The following CENPP variants were observed in gnomAD, a reference collection of about 807,000 sequenced individuals.
CENPP encodes the protein centromere protein P.
A neutral mutation model predicts 35.6 loss-of-function variants in CENPP; 24 were observed. The ratio of observed to expected loss-of-function variants is 0.67; its 90% CI spans 0.49 to 0.95. The LOEUF is 0.95. Among genes scored for constraint, CENPP ranks in the 40% least tolerant of loss-of-function variants. CENPP has a pLI of 0.00. For missense variants in CENPP, 332 were observed against 345.3 expected (o/e 0.96, Z 0.31); for synonymous variants, 120 against 125.5 (o/e 0.96, Z 0.29).
chr9:92,486,906 T>C (rs561754538), intron 5 of CENPP, among the ~76,000 whole-genome samples: 8 of 151,984 alleles, frequency 5.3e-5, no homozygotes, highest in Non-Finnish European at 7.4e-5. Context: ...CTCAGCCTCC[T>C]GAGTAGCTGG....
intron 5 of CENPP, among the ~76,000 whole-genome samples, chr9:92,436,577 G>A (rs72752486): frequency 0.031 from 4,704 of 152,154 alleles, 113 homozygotes; most frequent in South Asian, 0.084. Context: ...TTTTTATATA[G>A]GGTTTGAAAG....
chr9:92,503,438 G>T (rs912566060), intron 5 of CENPP, among the ~76,000 whole-genome samples: 1 of 152,122 alleles, frequency 6.6e-6, no homozygotes, highest in Non-Finnish European at 1.5e-5. Flanking sequence ...ATTTCATGTG[G>T]TCTATAATAT....
chr9:92,421,520 C>A (rs1335710505), intron 5 of CENPP, among the ~76,000 whole-genome samples: 1 of 152,208 alleles, frequency 6.6e-6, no homozygotes, highest in Admixed American at 6.5e-5. Context: ...GGGCAGTGTT[C>A]AGAGCAGGCT....
At position 92,618,432 on chromosome 9, in the gene CENPP, G is replaced by C. The variant is rs1197161342; in HGVS notation, c.*5283G>C. 1 of 456,588 alleles carries C rather than the reference G, an allele frequency of 2.2e-6. No homozygotes were observed. Among genetic ancestry groups the C allele is most frequent in the East Asian group, 6.9e-5 (1 of 14,404 alleles). 28.3% of individuals were successfully genotyped at this position (456,588 alleles called of 1,614,324 possible). A position where few individuals can be genotyped will look rare whatever the true frequency, so the allele number is the denominator to read the frequency against. On this transcript the variant is annotated 3_prime_UTR_variant, in exon 8 of 8. Transcript: ENST00000375587. ...TAAGAGATTCCCAGGTGCTAGACGA[G>C]GTGAGTAACATGTCTGTCCTTCAGC... is the stretch of plus-strand genomic sequence containing the variant.
chr9:92,574,749 A>G (rs886531402), intron 5 of CENPP, among the ~76,000 whole-genome samples: 1 of 152,172 alleles, frequency 6.6e-6, no homozygotes, highest in Admixed American at 6.5e-5. Context: ...ATCTCAAGGG[A>G]CCCTGAGTAG....
intron 5 of CENPP, among the ~76,000 whole-genome samples, chr9:92,421,158 G>C (rs1843780467): frequency 6.6e-6 from 1 of 152,068 alleles, no homozygotes; most frequent in Non-Finnish European, 1.5e-5. Flanking sequence ...TCTTACTTCA[G>C]CCTCCTGAGT....
intron 5 of CENPP, among the ~76,000 whole-genome samples, chr9:92,428,456 C>T (rs1169694687): frequency 6.6e-6 from 1 of 152,152 alleles, no homozygotes; most frequent in African/African-American, 2.4e-5. Flanking sequence ...TCCCAGGTCC[C>T]ACCAAACCTT....
intron 5 of CENPP, among the ~76,000 whole-genome samples, chr9:92,581,130 C>G (rs888511336): frequency 6.6e-6 from 1 of 152,090 alleles, no homozygotes; most frequent in East Asian, 1.9e-4. Flanking sequence ...GATTCTTAAT[C>G]CTGAGTTCTA....
At chr9:92,389,227 A>G (rs1842567129) in intron 5 of CENPP, among the ~76,000 whole-genome samples, 1 of 152,146 alleles carries the variant, frequency 6.6e-6, no homozygotes, top group South Asian at 2.1e-4. Context: ...TAAAGTGATT[A>G]CTCCTGTAGG....
chr9:92,368,101 T>C (rs1440114482), intron 4 of CENPP, among the ~76,000 whole-genome samples: 1 of 152,218 alleles, frequency 6.6e-6, no homozygotes, highest in Non-Finnish European at 1.5e-5. Flanking sequence ...TGTGAATAAG[T>C]TAAGAAAATT....
intron 5 of CENPP, among the ~76,000 whole-genome samples, chr9:92,472,444 G>A (rs1159059769): frequency 6.6e-6 from 1 of 151,968 alleles, no homozygotes; most frequent in Non-Finnish European, 1.5e-5. Context: ...TGGATCATGA[G>A]GTCAGGAGAT....
chr9:92,502,432 A>C (rs1191626364), intron 5 of CENPP: 1 of 1,525,892 alleles, frequency 6.6e-7, no homozygotes, highest in East Asian at 2.3e-5. Context: ...CACTTATCCC[A>C]TTCCCAGTTT....
intron 5 of CENPP, among the ~76,000 whole-genome samples, chr9:92,406,969 C>T (rs1233524846): frequency 1.3e-5 from 2 of 152,168 alleles, no homozygotes; most frequent in African/African-American, 4.8e-5. Flanking sequence ...ACTCTCAGAA[C>T]TCACTGAAGA....
Position 92,337,613 on chromosome 9 carries a change from A to G in CENPP, c.362A>G (p.Gln121Arg). The part of the protein sequence containing the change: ...CHMVTFQLEF[Q>R]ILEIQNKERL... ...ATGGTTACATTTCAACTTGAATTTC[A>G]GATTCTGGAAATTCAGGTAAATTAA... Residue 121 changes from glutamine to arginine, a missense_variant, in exon 3 of 8, where the codon CAG becomes CGG. Physicochemically the swap from Gln to Arg is conservative, Grantham distance 43. Transcript: ENST00000375587. 6.3e-7 allele frequency: 1 copy of G among 1,593,778 alleles called. No homozygotes were observed. Among genetic ancestry groups the G allele is most frequent in the Non-Finnish European group, 8.6e-7 (1 of 1,161,484 alleles).
At position 92,470,917 on chromosome 9, in the gene CENPP, C is replaced by CA. The variant is rs200442197; in HGVS notation, c.564+91066dup. The CA allele has an allele frequency of 1.5e-3, 900 of 582,814 alleles. 1 individual carries two copies. Among genetic ancestry groups the CA allele is most frequent in the Admixed American group, 4.9e-3 (128 of 25,954 alleles). The allele number at this position is 582,814 out of a possible 1,614,324, so 36.1% of individuals were successfully genotyped here. On this transcript the variant is annotated intron_variant, in intron 5 of 7. Coordinates refer to ENST00000375587, the MANE Select transcript of CENPP (RefSeq NM_001012267.3). ...ATGACTTAACAGTCATAACAGATGA[C>CA]AAAAAAAACATTGTTTTGGGGGAAG...
In CENPP at chr9:92,503,114, G is replaced by A. The variant is rs546521191; in HGVS notation, c.565-108200G>A. The stretch of plus-strand genomic sequence containing the variant: ...AGTTGTCAAATTTTATAACTAATTA[G>A]TAAAATAAAACACACTGCCATGGTT... On this transcript the variant is annotated intron_variant, in intron 5 of 7. Coordinates refer to ENST00000375587, the MANE Select transcript of CENPP (RefSeq NM_001012267.3). 2.0e-5 allele frequency among the ~76,000 whole-genome samples: 3 copies of A among 152,146 alleles called. No homozygotes were observed. In the South Asian group the frequency reaches 6.2e-4, roughly 32 times the overall value.
intron 5 of CENPP, among the ~76,000 whole-genome samples, chr9:92,544,708 A>C (rs1168466295): frequency 7.6e-6 from 1 of 131,888 alleles, no homozygotes; most frequent in South Asian, 2.4e-4. Context: ...TGTTATCACT[A>C]TAAATTTTTT....
chr9:92,568,433 G>A (rs1305021958), intron 5 of CENPP, among the ~76,000 whole-genome samples: 3 of 152,128 alleles, frequency 2.0e-5, no homozygotes, highest in South Asian at 2.1e-4. Flanking sequence ...TTTTATGGCT[G>A]CATAGTATTC....
At chr9:92,329,108 T>A (rs1240123323) in intron 1 of CENPP, among the ~76,000 whole-genome samples, 5 of 152,088 alleles carry the variant, frequency 3.3e-5, no homozygotes, top group African/African-American at 1.2e-4. Flanking sequence ...CTATCGGAAA[T>A]ACCTTGAAAT....
Sources: gnomAD v4.1 joint callset for allele counts (sites outside exome capture counted in the v4.1 genomes callset) on GRCh38, gnomAD v4.1.1 for gene constraint, MANE v1.5 for transcripts, NCBI Gene and HGNC (gene_info 2026-07-23, HGNC 2026-07-21) for gene names.